The following SETBP1 variants were observed in gnomAD, a reference collection of about 807,000 sequenced individuals.
SETBP1 encodes the protein SET-binding protein.
A neutral mutation model predicts 101.0 loss-of-function variants in SETBP1; 9 were observed. The ratio of observed to expected loss-of-function variants is 0.09; its 90% CI spans 0.05 to 0.16. The LOEUF (loss-of-function observed/expected upper bound fraction) is 0.16, where lower values mean the gene tolerates loss of function less well. Among genes scored for constraint, SETBP1 ranks in the 10% least tolerant of loss-of-function variants. The pLI is 1.00. For synonymous variants in SETBP1, 818 were observed against 788.5 expected, an observed-to-expected ratio of 1.04 and a Z score of -0.63; for missense variants, 1,858 against 2,033.8, an observed-to-expected ratio of 0.91 and a Z score of 1.66.
At chr18:44,734,922 C>T (rs982789383) in intron 2 of SETBP1, among the ~76,000 whole-genome samples, 3 of 152,274 alleles carry the variant, frequency 2.0e-5, no homozygotes, top group Non-Finnish European at 4.4e-5. Context: ...TCAATAAATA[C>T]AAATTGACTC....
In SETBP1 at chr18:45,038,615, G is replaced by C. The variant is rs35460875; in HGVS notation, c.4131G>C (p.Val1377=). 16 of 1,614,186 alleles carry C rather than the reference G, an allele frequency of 9.9e-6. No individual in the cohort carries two copies. In the East Asian group the frequency reaches 3.6e-4, roughly 36 times the overall value. Residue 1377 remains valine, a synonymous_variant, in exon 5 of 6, where the codon GTG becomes GTC. Coordinates refer to ENST00000649279, the MANE Select transcript of SETBP1 (RefSeq NM_015559.3). Reference sequence around the variant, plus strand: ...GTGTTACAATTCCACCAGCCCCAGTGTTATCTCTCCTTGCTGCATCTGCAG... The same window carrying C: ...GTGTTACAATTCCACCAGCCCCAGTCTTATCTCTCCTTGCTGCATCTGCAG... The part of the protein sequence containing the change: ...VDSVTIPPAP[V]LSLLAASAAT...
chr18:44,975,149 G>A (rs556749796), intron 4 of SETBP1, among the ~76,000 whole-genome samples: 4 of 152,212 alleles, frequency 2.6e-5, no homozygotes, highest in South Asian at 2.1e-4. Context: ...TTTAATGTTC[G>A]CACTTCTCTG....
intron 4 of SETBP1, among the ~76,000 whole-genome samples, chr18:45,015,056 G>A (rs762507076): frequency 3.3e-5 from 5 of 152,272 alleles, no homozygotes; most frequent in South Asian, 2.1e-4. Context: ...TGGCGAGCAT[G>A]CCAGGGCTTG....
chr18:44,971,406 G>A (rs1375035724), intron 4 of SETBP1, among the ~76,000 whole-genome samples: 1 of 152,166 alleles, frequency 6.6e-6, no homozygotes, highest in Non-Finnish European at 1.5e-5. Flanking sequence ...TGGGATGGCT[G>A]GGTCAAATGG....
At chr18:44,938,708 C>T (rs1445738068) in intron 3 of SETBP1, among the ~76,000 whole-genome samples, 1 of 152,132 alleles carries the variant, frequency 6.6e-6, no homozygotes, top group South Asian at 2.1e-4. Context: ...CACCTTTCTC[C>T]CTGGTGGCCC....
chr18:44,799,305 C>T (rs1359425843), intron 2 of SETBP1, among the ~76,000 whole-genome samples: 2 of 152,040 alleles, frequency 1.3e-5, no homozygotes, highest in East Asian at 3.9e-4. Context: ...TTCCTGTTCC[C>T]TCCACTAGCC....
chr18:45,062,411 C>T (rs1044992320), intron 5 of SETBP1, among the ~76,000 whole-genome samples: 1 of 152,112 alleles, frequency 6.6e-6, no homozygotes, highest in Admixed American at 6.5e-5. Flanking sequence ...CTTGACTAGT[C>T]CAGAACACTG....
intron 4 of SETBP1, among the ~76,000 whole-genome samples, chr18:45,034,270 G>A (rs1461326550): frequency 6.6e-6 from 1 of 152,132 alleles, no homozygotes; most frequent in Admixed American, 6.5e-5. Flanking sequence ...CGCATCCTGG[G>A]GCAGTCAATA....
At chr18:44,975,139 T>G (rs1020376421) in intron 4 of SETBP1, among the ~76,000 whole-genome samples, 1 of 152,194 alleles carries the variant, frequency 6.6e-6, no homozygotes, top group African/African-American at 2.4e-5. Flanking sequence ...CCTCTTCCGT[T>G]TTAATGTTCG....
chr18:44,729,456 A>G (rs1185108715), intron 2 of SETBP1, among the ~76,000 whole-genome samples: 2 of 152,260 alleles, frequency 1.3e-5, no homozygotes, highest in Non-Finnish European at 2.9e-5. Context: ...TGCATGACTC[A>G]GTGGCTAATG....
At chr18:44,836,308 C>T (rs1022034895) in intron 2 of SETBP1, among the ~76,000 whole-genome samples, 16 of 152,312 alleles carry the variant, frequency 1.1e-4, no homozygotes, top group Non-Finnish European at 1.8e-4. Context: ...ATTAGAGTCT[C>T]ATGCCTTTTC....
chr18:44,949,139 A>G (rs1009918421), intron 3 of SETBP1, among the ~76,000 whole-genome samples: 1 of 152,210 alleles, frequency 6.6e-6, no homozygotes, highest in African/African-American at 2.4e-5. Context: ...TAGAGTCCAC[A>G]AGGATTTGAA....
At chr18:44,756,598 C>G (rs2070502226) in intron 2 of SETBP1, among the ~76,000 whole-genome samples, 1 of 152,196 alleles carries the variant, frequency 6.6e-6, no homozygotes, top group Non-Finnish European at 1.5e-5. Flanking sequence ...TGCCTCCTGA[C>G]CACACCAGAC....
At chr18:45,042,146 C>CTT (rs556269689) in intron 5 of SETBP1, among the ~76,000 whole-genome samples, 1 of 82,682 alleles carries the variant, frequency 1.2e-5, no homozygotes, top group African/African-American at 4.8e-5. Flanking sequence ...CTTGAAACTG[C>CTT]TTTTTTTTTT....
At chr18:44,914,773 G>A (rs1261755370) in intron 3 of SETBP1, among the ~76,000 whole-genome samples, 1 of 152,068 alleles carries the variant, frequency 6.6e-6, no homozygotes, top group East Asian at 1.9e-4. Context: ...TATAGGAACA[G>A]AAATAGGACT....
Position 45,063,293 on chromosome 18 carries a change from C to G in SETBP1, c.4386C>G (p.Thr1462=), listed in dbSNP as rs1008473853. 2.5e-6 allele frequency: 4 copies of G among 1,607,924 alleles called. No homozygotes were observed. The African/African-American group carries it at 5.4e-5, about 22-fold the overall frequency. Residue 1462 remains threonine, a synonymous_variant, in exon 6 of 6, where the codon ACC becomes ACG. Transcript: ENST00000649279. ...GCGGGCGTCCCAGGAAGCAGCCCAC[C>G]CAGTTCGATGAGGACTCCAGAGACC... is the stretch of plus-strand genomic sequence containing the variant. ...KRRGRPRKQP[T]QFDEDSRDQM...
chr18:45,014,482 G>A (rs1478320770), intron 4 of SETBP1, among the ~76,000 whole-genome samples: 1 of 152,210 alleles, frequency 6.6e-6, no homozygotes, highest in Non-Finnish European at 1.5e-5. Flanking sequence ...GCCAGAGACA[G>A]GTTCATGTAG....
intron 3 of SETBP1, among the ~76,000 whole-genome samples, chr18:44,914,678 T>C (rs1259928839): frequency 2.6e-5 from 4 of 152,136 alleles, no homozygotes; most frequent in African/African-American, 7.2e-5. Context: ...GCCTTTAGAC[T>C]GAGGTGAGAT....
chr18:44,772,186 T>A (rs2070889172), intron 2 of SETBP1, among the ~76,000 whole-genome samples: 1 of 152,174 alleles, frequency 6.6e-6, no homozygotes, highest in African/African-American at 2.4e-5. Flanking sequence ...AAAGGTTGAC[T>A]CTCCTGGGCT....
Sources: gnomAD v4.1 joint callset for allele counts (sites outside exome capture counted in the v4.1 genomes callset) on GRCh38, gnomAD v4.1.1 for gene constraint, MANE v1.5 for transcripts, NCBI Gene and HGNC (gene_info 2026-07-23, HGNC 2026-07-21) for gene names.